STOX2: variants seen among roughly 807,000 people sequenced by gnomAD.
STOX2 encodes the protein storkhead box 2, also known as storkhead-box protein 2.
A neutral mutation model predicts 60.9 loss-of-function variants in STOX2; 28 were observed. The ratio of observed to expected loss-of-function variants is 0.46; its 90% CI spans 0.34 to 0.63. The LOEUF (loss-of-function observed/expected upper bound fraction) is 0.63, where lower values mean the gene tolerates loss of function less well. Ranked by LOEUF, STOX2 falls within the 30% of genes least tolerant of loss-of-function variation. The pLI is 0.01. For synonymous variants in STOX2, 472 were observed against 463.9 expected (o/e 1.02, Z -0.22); for missense variants, 1,024 against 1,187.7 (o/e 0.86, Z 2.03).
intron 1 of STOX2, among the ~76,000 whole-genome samples, chr4:183,926,521 T>C (rs1045608110): frequency 1.3e-5 from 2 of 152,214 alleles, no homozygotes; most frequent in African/African-American, 4.8e-5. Context: ...ACTAGCTAAT[T>C]AATGGCAGAG....
intron 1 of STOX2, among the ~76,000 whole-genome samples, chr4:183,819,748 GA>G (rs1286964578): frequency 6.6e-6 from 1 of 152,232 alleles, no homozygotes; most frequent in African/African-American, 2.4e-5. Context: ...AAGCATGGGT[GA>G]AAAAGGCTTG....
At chr4:183,963,393 C>T (rs1743467955) in intron 1 of STOX2, among the ~76,000 whole-genome samples, 1 of 151,780 alleles carries the variant, frequency 6.6e-6, no homozygotes. Flanking sequence ...TTGAATGTTG[C>T]TTTTATCTAT....
In STOX2 at chr4:184,010,758, T is replaced by A. The variant is rs544520749; in HGVS notation, c.1920T>A (p.Asp640Glu). 1.3e-6 allele frequency: 2 copies of A among 1,584,552 alleles called. No homozygotes were observed. The highest frequency in any genetic ancestry group is 3.5e-5 in the Admixed American group (2 of 56,878). ...GGGTGAAAAAGCTCTCCCCTTCTGA[T>A]AGGCAGGTCCCCCACTCCTCCAGGG... ...AEGVKKLSPS[D>E]RQVPHSSREP... The change falls in exon 3 of 4, where the codon GAT becomes GAA. Residue 640 changes from aspartate to glutamate, a missense_variant. Asp to Glu is a conservative substitution (Grantham distance 45). Coordinates refer to ENST00000308497, the MANE Select transcript of STOX2 (RefSeq NM_020225.3). This position sits in a 1 kb window ranked among gnomAD's most constrained non-coding sequence, Gnocchi z 4.5.
intron 1 of STOX2, among the ~76,000 whole-genome samples, chr4:183,834,145 C>T (rs1229195566): frequency 6.6e-6 from 1 of 152,152 alleles, no homozygotes; most frequent in Non-Finnish European, 1.5e-5. Flanking sequence ...ACTTGCTTCC[C>T]AGGAGAGGAG....
At chr4:183,798,090 T>C in intron 1 of STOX2, 1 of 1,224,074 alleles carries the variant, frequency 8.2e-7, no homozygotes, top group Non-Finnish European at 1.0e-6. Flanking sequence ...TCCCGTCCCT[T>C]CCCACCGGAT....
intron 2 of STOX2, among the ~76,000 whole-genome samples, chr4:184,008,366 T>C (rs1733969194): frequency 6.6e-6 from 1 of 152,242 alleles, no homozygotes; most frequent in African/African-American, 2.4e-5. Context: ...AAAGAAGCTT[T>C]CATCATTTTC....
chr4:184,009,035 A>G lies in STOX2; in HGVS notation c.320-123A>G. ...TGAACTTAATGAACACCTTTGTCTG[A>G]ATTGTGCATCCTAGCTCTGTGATGG... On this transcript the variant is annotated intron_variant, in intron 2 of 3. Coordinates refer to ENST00000308497, the MANE Select transcript of STOX2 (RefSeq NM_020225.3). The surrounding 1 kb of genome is among the most constrained non-coding windows in gnomAD (Gnocchi z 4.0). 1 of 752,182 alleles carries G rather than the reference A, an allele frequency of 1.3e-6. No homozygotes were observed. Among genetic ancestry groups the G allele is most frequent in the Non-Finnish European group, 2.1e-6 (1 of 470,812 alleles). The allele number at this position is 752,182 out of a possible 1,614,324, so 46.6% of individuals were successfully genotyped here. A position where few individuals can be genotyped will look rare whatever the true frequency, so the allele number is the denominator to read the frequency against.
chr4:183,904,544 T>C (rs373723892), upstream of STOX2, among the ~76,000 whole-genome samples: 1 of 152,236 alleles, frequency 6.6e-6, no homozygotes, highest in South Asian at 2.1e-4. Flanking sequence ...CAATTAAAAA[T>C]AAAAACCACA....
At chr4:183,915,701 C>G (rs538766914) in intron 1 of STOX2, among the ~76,000 whole-genome samples, 2 of 152,116 alleles carry the variant, frequency 1.3e-5, no homozygotes, top group Admixed American at 1.3e-4. Flanking sequence ...TACCATGTGA[C>G]GAGAGAGGCA....
chr4:183,991,284 A>T (rs1011042674), intron 1 of STOX2, among the ~76,000 whole-genome samples: 1 of 152,242 alleles, frequency 6.6e-6, no homozygotes, highest in East Asian at 1.9e-4. Flanking sequence ...ATACTAGTAT[A>T]AGGAAGACCT....
intron 1 of STOX2, among the ~76,000 whole-genome samples, chr4:183,992,743 C>A (rs1040668398): frequency 1.2e-4 from 18 of 152,200 alleles, no homozygotes; most frequent in African/African-American, 4.3e-4. Context: ...GCACAAGTGG[C>A]AGCTGGTGTT....
At chr4:183,976,006 A>G (rs1024238841) in intron 1 of STOX2, among the ~76,000 whole-genome samples, 1 of 152,216 alleles carries the variant, frequency 6.6e-6, no homozygotes, top group African/African-American at 2.4e-5. Context: ...AATATAAGGC[A>G]GCATTTGAAA....
At chr4:183,811,426 G>A (rs986485704) in intron 1 of STOX2, among the ~76,000 whole-genome samples, 1 of 152,166 alleles carries the variant, frequency 6.6e-6, no homozygotes, top group African/African-American at 2.4e-5. Flanking sequence ...ACAAGCACCA[G>A]GTATTTGATC....
At chr4:184,017,030 T>C in intron 3 of STOX2, 59 bp from the exon 4 acceptor site, 32 of 1,409,454 alleles carry the variant, frequency 2.3e-5, no homozygotes, top group Non-Finnish European at 3.0e-5. Context: ...CCTCTGGGGC[T>C]CAATTTATAA....
intron 1 of STOX2, among the ~76,000 whole-genome samples, chr4:183,950,990 C>G (rs556849957): frequency 6.6e-6 from 1 of 151,750 alleles, no homozygotes; most frequent in East Asian, 1.9e-4. Context: ...CCGAGGCGGG[C>G]GGATCACGAG....
intron 1 of STOX2, among the ~76,000 whole-genome samples, chr4:183,970,863 C>T (rs1303259140): frequency 1.3e-5 from 2 of 152,256 alleles, no homozygotes; most frequent in Non-Finnish European, 2.9e-5. Flanking sequence ...CTTGCCTATT[C>T]ATCCTGCCAA....
intron 1 of STOX2, among the ~76,000 whole-genome samples, chr4:183,987,515 A>G (rs1020472960): frequency 5.3e-5 from 8 of 151,796 alleles, no homozygotes; most frequent in Non-Finnish European, 1.2e-4. Context: ...TTTAAGAAAC[A>G]GGGGAGGAAC....
At chr4:183,966,613 T>TGAGA (rs1743577674) in intron 1 of STOX2, among the ~76,000 whole-genome samples, 1 of 152,206 alleles carries the variant, frequency 6.6e-6, no homozygotes, top group Admixed American at 6.5e-5. Context: ...GAGACCACAA[T>TGAGA]GCTGCAGATG....
intron 1 of STOX2, among the ~76,000 whole-genome samples, chr4:183,871,467 T>A (rs1740691981): frequency 6.6e-6 from 1 of 152,178 alleles, no homozygotes; most frequent in Admixed American, 6.5e-5. Context: ...CACTTTAGTT[T>A]TGGTATGAGA....
Sources: allele counts gnomAD v4.1 joint callset (sites outside exome capture counted in the v4.1 genomes callset), GRCh38; gene constraint gnomAD v4.1.1; non-coding constraint Gnocchi (gnomAD v3.1); transcripts MANE v1.5; gene names NCBI Gene and HGNC (gene_info 2026-07-23, HGNC 2026-07-21).